The following ZFYVE9 variants were observed in gnomAD, a reference collection of about 807,000 sequenced individuals.
ZFYVE9 encodes the protein zinc finger FYVE-type containing 9, also known as zinc finger FYVE domain-containing protein 9.
Under a neutral mutation model 126.7 loss-of-function variants are expected in ZFYVE9, and 43 were observed. The ratio of observed to expected loss-of-function variants is 0.34; its 90% CI spans 0.27 to 0.44. The LOEUF (loss-of-function observed/expected upper bound fraction) is 0.44. ZFYVE9 is among the 20% of genes least tolerant of loss of function. ZFYVE9 has a pLI of 1.00. For synonymous variants in ZFYVE9, 521 were observed against 597.4 expected, an observed-to-expected ratio of 0.87 and a Z score of 1.87; for missense variants, 1,476 against 1,697.0, an observed-to-expected ratio of 0.87 and a Z score of 2.29.
intron 1 of ZFYVE9, among the ~76,000 whole-genome samples, chr1:52,204,561 T>C (rs1480271532): frequency 2.0e-5 from 3 of 152,046 alleles, no homozygotes. Flanking sequence ...ACCCCGTCTC[T>C]GCTAAAAATA....
chr1:52,146,399 T>G (rs1247726574), intron 1 of ZFYVE9, among the ~76,000 whole-genome samples: 2 of 152,120 alleles, frequency 1.3e-5, no homozygotes, highest in African/African-American at 2.4e-5. Context: ...TTTATTAAAT[T>G]TACTTAAGAA....
Position 52,198,125 on chromosome 1 carries a change from T to TTG in ZFYVE9, c.-142-18243_-142-18242insGT, listed in dbSNP as rs757360808. 0.012 allele frequency among the ~76,000 whole-genome samples: 1,510 copies of TTG among 121,992 alleles called. 114 individuals carry two copies. The East Asian group carries it at 0.14, about 11-fold the overall frequency. 80.0% of individuals were successfully genotyped at this position (121,992 alleles called of 152,430 possible). A position where few individuals can be genotyped will look rare whatever the true frequency, so the allele number is the denominator to read the frequency against. On this transcript the variant is annotated intron_variant, in intron 1 of 18. Transcript: ENST00000287727. ...ATATTGTAGTGTTTTTTTTTGTTTG[T>TTG]TTTTTTTTTTTTTTGAGATGGAGTC...
intron 1 of ZFYVE9, chr1:52,160,172 G>A (rs1389745797): frequency 1.4e-5 from 9 of 647,186 alleles, no homozygotes; most frequent in African/African-American, 5.5e-5. Flanking sequence ...GAAGCTCTAC[G>A]AGGCTGTGAG....
intron 1 of ZFYVE9, among the ~76,000 whole-genome samples, chr1:52,169,154 A>T (rs1644541243): frequency 6.6e-6 from 1 of 152,060 alleles, no homozygotes; most frequent in African/African-American, 2.4e-5. Flanking sequence ...TAATCCTAGC[A>T]CTTTGGGAGG....
At chr1:52,145,733 T>G (rs1644300181) in intron 1 of ZFYVE9, among the ~76,000 whole-genome samples, 1 of 152,216 alleles carries the variant, frequency 6.6e-6, no homozygotes, top group African/African-American at 2.4e-5. Flanking sequence ...TTGGGATTTC[T>G]GCATGACTTA....
At chr1:52,302,704 T>C (rs1646046621) in intron 12 of ZFYVE9, among the ~76,000 whole-genome samples, 2 of 151,878 alleles carry the variant, frequency 1.3e-5, no homozygotes, top group African/African-American at 2.4e-5. Flanking sequence ...TGAGCCAAGA[T>C]TGCGCCACTG....
intron 15 of ZFYVE9, among the ~76,000 whole-genome samples, chr1:52,335,495 G>A (rs1019648078): frequency 2.0e-5 from 3 of 152,162 alleles, no homozygotes; most frequent in African/African-American, 7.2e-5. Context: ...GTGGTGACTG[G>A]GGTACTTACG....
chr1:52,247,922 C>G (rs566859583), intron 4 of ZFYVE9, among the ~76,000 whole-genome samples: 1 of 152,210 alleles, frequency 6.6e-6, no homozygotes, highest in Non-Finnish European at 1.5e-5. Context: ...AGTGGTTACA[C>G]AATGTTTGTA....
chr1:52,312,274 C>CT (rs966912073), intron 13 of ZFYVE9, among the ~76,000 whole-genome samples: 3 of 152,174 alleles, frequency 2.0e-5, no homozygotes, highest in African/African-American at 4.8e-5. Flanking sequence ...TTGAATCTAA[C>CT]TGTAGGTATT....
chr1:52,221,042 C>T (rs536934904), intron 2 of ZFYVE9, among the ~76,000 whole-genome samples: 16 of 152,308 alleles, frequency 1.1e-4, no homozygotes, highest in East Asian at 3.9e-4. Context: ...GATGAAGCCT[C>T]GTTCAGTCCA....
At chr1:52,291,272 G>A (rs905291481) in intron 10 of ZFYVE9, among the ~76,000 whole-genome samples, 2 of 152,160 alleles carry the variant, frequency 1.3e-5, no homozygotes, top group African/African-American at 4.8e-5. Flanking sequence ...GGCTGCTACT[G>A]TCAGGATACC....
intron 4 of ZFYVE9, among the ~76,000 whole-genome samples, chr1:52,260,072 CTG>C (rs900009996): frequency 2.6e-5 from 4 of 151,776 alleles, no homozygotes; most frequent in South Asian, 4.2e-4. Flanking sequence ...AATTTTAAAA[CTG>C]TGTGCTGAGT....
chr1:52,182,105 G>GC (rs1247576493), intron 1 of ZFYVE9, among the ~76,000 whole-genome samples: 47 of 150,526 alleles, frequency 3.1e-4, no homozygotes, highest in Middle Eastern at 3.2e-3. Flanking sequence ...GGGGGGGTCA[G>GC]CCCCCCGTCC....
intron 13 of ZFYVE9, among the ~76,000 whole-genome samples, chr1:52,308,129 T>C (rs1646103175): frequency 6.6e-6 from 1 of 152,218 alleles, no homozygotes; most frequent in African/African-American, 2.4e-5. Flanking sequence ...TACAGTTAAA[T>C]TGTGTTGTGT....
chr1:52,282,828 A>T (rs765780284), intron 10 of ZFYVE9, among the ~76,000 whole-genome samples: 26 of 152,174 alleles, frequency 1.7e-4, no homozygotes, highest in Non-Finnish European at 2.9e-4. Context: ...TCTTTTTGAG[A>T]ACTTTTTTTG....
rs774408846 is a variant in ZFYVE9, at chr1:52,263,769, A to T, written c.2179-4A>T. 1.5e-5 allele frequency: 3 copies of T among 201,138 alleles called. No individual in the cohort carries two copies. The highest frequency in any genetic ancestry group is 2.6e-4 in the African/African-American group (1 of 3,810). The allele number at this position is 201,138 out of a possible 1,614,324, so 12.5% of individuals were successfully genotyped here. A position where few individuals can be genotyped will look rare whatever the true frequency, so the allele number is the denominator to read the frequency against. ...GTGTGTTCTTCCCCCCCCCCCCCCCACAGGTTTTCTGTGCTTCCTGCTGTA... is the reference window on the plus strand; with the variant it reads ...GTGTGTTCTTCCCCCCCCCCCCCCCTCAGGTTTTCTGTGCTTCCTGCTGTA... On this transcript the variant is annotated splice_polypyrimidine_tract_variant and splice_region_variant and intron_variant, in intron 4 of 18. Transcript: ENST00000287727.
intron 1 of ZFYVE9, among the ~76,000 whole-genome samples, chr1:52,157,808 T>C (rs1291979871): frequency 6.6e-6 from 1 of 152,142 alleles, no homozygotes; most frequent in Non-Finnish European, 1.5e-5. Context: ...TAGCTTCTGG[T>C]GTTTAAGTGC....
chr1:52,311,941 C>T (rs1646140889), intron 13 of ZFYVE9, among the ~76,000 whole-genome samples: 1 of 152,000 alleles, frequency 6.6e-6, no homozygotes, highest in Non-Finnish European at 1.5e-5. Flanking sequence ...CAGGCAAACG[C>T]CACCATGCCC....
At position 52,266,597 on chromosome 1, in the gene ZFYVE9, G is replaced by T. The variant is rs990046509; in HGVS notation, c.2279-58G>T. ...GCATTATTTATCCAATATTGTGGAG[G>T]TCTTGATGTCCATATTTTGCAATCC... On this transcript the variant is annotated intron_variant, in intron 5 of 18. Transcript: ENST00000287727. 7 of 1,430,386 alleles carry T rather than the reference G, an allele frequency of 4.9e-6. No homozygotes were observed. In the Admixed American group the frequency reaches 8.8e-5, roughly 18 times the overall value. 88.6% of individuals were successfully genotyped at this position (1,430,386 alleles called of 1,614,324 possible). A position where few individuals can be genotyped will look rare whatever the true frequency, so the allele number is the denominator to read the frequency against.
Sources: gnomAD v4.1 joint callset for allele counts (sites outside exome capture counted in the v4.1 genomes callset) on GRCh38, gnomAD v4.1.1 for gene constraint, MANE v1.5 for transcripts, NCBI Gene and HGNC (gene_info 2026-07-23, HGNC 2026-07-21) for gene names.